Variants in ABCG5 observed in about 807,000 individuals in gnomAD.
The protein encoded by ABCG5 is ATP-binding cassette sub-family G member 5.
Under a neutral mutation model 64.5 loss-of-function variants are expected in ABCG5, and 64 were observed. That is an observed-to-expected ratio of 0.99 (90% CI 0.81 to 1.22). The LOEUF (loss-of-function observed/expected upper bound fraction) is 1.22. ABCG5 is among the 50% of genes most tolerant of loss of function. The pLI is 0.00. For missense variants in ABCG5, 908 were observed against 829.5 expected (o/e 1.09, Z -1.16); for synonymous variants, 385 against 326.3 (o/e 1.18, Z -1.94).
chr2:43,820,352 G>A (rs1667109923), intron 10 of ABCG5, among the ~76,000 whole-genome samples: 1 of 152,144 alleles, frequency 6.6e-6, no homozygotes, highest in Non-Finnish European at 1.5e-5. Flanking sequence ...AGCTCTCATA[G>A]GAAAACATTA....
downstream of ABCG5, among the ~76,000 whole-genome samples, chr2:43,811,304 A>G (rs73923897): frequency 1.1e-3 from 161 of 152,350 alleles, 1 homozygote; most frequent in African/African-American, 3.7e-3. Context: ...AATTGACAAT[A>G]CTAGTCTGAT....
chr2:43,822,479 C>CCCCCCCCCCCCCCCCCCCCCG, intron 10 of ABCG5: 1 of 668,688 alleles, frequency 1.5e-6, no homozygotes, highest in African/African-American at 2.3e-5. Flanking sequence ...CTCCCCCAGG[C>CCCCCCCCCCCCCCCCCCCCCG]CCCCCCCCAT....
downstream of ABCG5, among the ~76,000 whole-genome samples, chr2:43,808,341 T>C (rs1351039864): frequency 1.3e-5 from 2 of 152,158 alleles, no homozygotes; most frequent in African/African-American, 4.8e-5. Flanking sequence ...TAAATTTTAG[T>C]AACTTAGGGT....
At chr2:43,835,465 C>G (rs1351293605) in intron 2 of ABCG5, among the ~76,000 whole-genome samples, 4 of 152,100 alleles carry the variant, frequency 2.6e-5, no homozygotes, top group African/African-American at 7.2e-5. Context: ...CAAAAGGAAG[C>G]TGAGAATGAC....
In ABCG5 at chr2:43,820,185, T is replaced by C. The variant is rs566906525; in HGVS notation, c.1464-85A>G. The C allele has an allele frequency of 5.0e-5, 75 of 1,489,790 alleles. No individual in the cohort carries two copies. In the African/African-American group the frequency reaches 9.2e-4, roughly 18 times the overall value. 92.3% of individuals were successfully genotyped at this position (1,489,790 alleles called of 1,614,324 possible). A position where few individuals can be genotyped will look rare whatever the true frequency, so the allele number is the denominator to read the frequency against. ...GCACTTGCCTCTGTGAATAAATCCT[T>C]TGTGGTGAGTGGGTGGGAGAAGTTT... On this transcript the variant is annotated intron_variant, in intron 10 of 12. Coordinates refer to ENST00000405322, the MANE Select transcript of ABCG5 (RefSeq NM_022436.3).
intron 10 of ABCG5, 195 bp downstream of exon 10, chr2:43,822,602 C>G (rs1667301723): frequency 1.0e-5 from 10 of 985,260 alleles, no homozygotes; most frequent in Non-Finnish European, 1.2e-5. Context: ...GTTCTCAGGT[C>G]TCCTGCAACC....
At chr2:43,825,604 GTTA>G (rs146855983) in intron 6 of ABCG5, among the ~76,000 whole-genome samples, 10,354 of 151,888 alleles carry the variant, frequency 0.068, 417 homozygotes, top group African/African-American at 0.087. Context: ...TTGTTTTGTT[GTTA>G]TTGTTGTTGT....
downstream of ABCG5, among the ~76,000 whole-genome samples, chr2:43,810,918 C>G (rs1330416599): frequency 2.0e-5 from 3 of 152,188 alleles, no homozygotes; most frequent in Non-Finnish European, 4.4e-5. Context: ...ATTTGATTTT[C>G]TTACACATCA....
At chr2:43,811,379 T>C (rs931328653), downstream of ABCG5, among the ~76,000 whole-genome samples, 3 of 152,340 alleles carry the variant, frequency 2.0e-5, no homozygotes, top group South Asian at 6.2e-4. Context: ...TGTGGTTTCC[T>C]TAATGAAATG....
intron 2 of ABCG5, chr2:43,832,294 G>A: frequency 6.2e-6 from 4 of 647,696 alleles, no homozygotes; most frequent in Non-Finnish European, 5.4e-6. Flanking sequence ...GTGAGTCTCT[G>A]GATTGTCCCC....
chr2:43,813,673 T>C (rs1010492112), intron 12 of ABCG5, among the ~76,000 whole-genome samples: 1 of 148,278 alleles, frequency 6.7e-6, no homozygotes, highest in Non-Finnish European at 1.5e-5. Flanking sequence ...TTTTTTTGGT[T>C]GTTTTTTTTT....
rs767291426 is a variant in ABCG5 at position 43,837,888 on chromosome 2, C to G, written c.211G>C (p.Asp71His). The G allele has an allele frequency of 6.2e-7, 1 of 1,614,150 alleles. No homozygotes were observed. Among genetic ancestry groups the G allele is most frequent in the South Asian group, 1.1e-5 (1 of 91,074 alleles). Reference protein sequence around the residue: ...RQQWTRQILKDVSLYVESGQI... With the variant: ...RQQWTRQILKHVSLYVESGQI... ...CCGCTCTCCACGTACAAGGAGACAT[C>G]TTTGAGGATCTGCCTGGTCCACTGC... Residue 71 changes from aspartate to histidine, a missense_variant, in exon 2 of 13, where the codon GAT becomes CAT. Physicochemically the swap from Asp to His is moderately conservative, Grantham distance 81. Transcript: ENST00000405322.
In ABCG5 at chr2:43,838,771, C is replaced by G. The variant is rs761813736; in HGVS notation, c.-92G>C. On this transcript the variant is annotated 5_prime_UTR_variant, in exon 1 of 13. Coordinates refer to ENST00000405322, the MANE Select transcript of ABCG5 (RefSeq NM_022436.3). This position sits in a 1 kb window ranked among gnomAD's most constrained non-coding sequence, Gnocchi z 4.2. ...GGGGAGCCCGTGGCAGACTGCCCTG[C>G]CTGCTCCACCTGACCCCGGAGTCCC... 1.6e-5 allele frequency: 25 copies of G among 1,562,486 alleles called. No homozygotes were observed. The highest frequency in any genetic ancestry group is 2.2e-5 in the Non-Finnish European group (25 of 1,154,530).
At chr2:43,828,240 A>C (rs1667741471) in intron 4 of ABCG5, 125 bp from the exon 5 acceptor site, 5 of 1,286,664 alleles carry the variant, frequency 3.9e-6, no homozygotes, top group East Asian at 2.4e-5. Context: ...TTCCAGACTC[A>C]CCACACCCTG....
intron 4 of ABCG5, 33 bp from the exon 5 acceptor site, chr2:43,828,148 A>C: frequency 6.2e-7 from 1 of 1,613,418 alleles, no homozygotes; most frequent in Non-Finnish European, 8.5e-7. Flanking sequence ...GAAGGCTGGG[A>C]GTCTCTGTGG....
chr2:43,811,600 CTT>C (rs796634082), downstream of ABCG5, among the ~76,000 whole-genome samples: 6 of 144,292 alleles, frequency 4.2e-5, no homozygotes, highest in Non-Finnish European at 7.7e-5. Flanking sequence ...AATACAGAAC[CTT>C]TTTTTTTTTT....
upstream of ABCG5, chr2:43,839,037 A>G (rs1387531136): frequency 1.9e-6 from 3 of 1,550,510 alleles, no homozygotes; most frequent in East Asian, 7.3e-5. Context: ...GCCCAGGGTC[A>G]CAGACCTGTG....
At chr2:43,818,459 AAAAC>A (rs1161347707) in intron 11 of ABCG5, among the ~76,000 whole-genome samples, 1 of 152,170 alleles carries the variant, frequency 6.6e-6, no homozygotes, top group East Asian at 1.9e-4. Flanking sequence ...AACAAAAACA[AAAAC>A]AAAATACGGT....
Position 43,836,513 on chromosome 2 carries a change from T to C in ABCG5, c.265+1321A>G, listed in dbSNP as rs554182740. ...TTTAACCTTAAAATGTAGATGGTAA[T>C]CCAGTGTAGCAGACACTGTGGTGTG... On this transcript the variant is annotated intron_variant, in intron 2 of 12. Coordinates refer to ENST00000405322, the MANE Select transcript of ABCG5 (RefSeq NM_022436.3). Among the ~76,000 whole-genome samples the C allele has an allele frequency of 2.4e-4, 36 of 152,332 alleles. 1 individual carries two copies. In the South Asian group the frequency reaches 7.0e-3, roughly 30 times the overall value.
Sources: allele counts gnomAD v4.1 joint callset (sites outside exome capture counted in the v4.1 genomes callset), GRCh38; gene constraint gnomAD v4.1.1; non-coding constraint Gnocchi (gnomAD v3.1); transcripts MANE v1.5; gene names NCBI Gene and HGNC (gene_info 2026-07-23, HGNC 2026-07-21).